Variants in WT1 observed in about 807,000 individuals in gnomAD.
WT1 encodes Wilms tumor protein.
In WT1, 8 loss-of-function variants were observed where a neutral mutation model predicts 60.8. That is an observed-to-expected ratio of 0.13 (90% CI 0.08 to 0.24). The LOEUF is 0.24. Among genes scored for constraint, WT1 ranks in the 10% least tolerant of loss-of-function variants. The probability of loss-of-function intolerance (pLI) is 1.00; values close to 1 mark genes in which losing one functional copy is unlikely to be tolerated. For synonymous variants in WT1, 312 were observed against 297.1 expected (o/e 1.05, Z -0.52); for missense variants, 568 against 711.8 (o/e 0.80, Z 2.30).
chr11:32,406,259 AT>A (rs778233303), intron 5 of WT1, among the ~76,000 whole-genome samples: 2 of 151,978 alleles, frequency 1.3e-5, no homozygotes, highest in Non-Finnish European at 2.9e-5. Context: ...TTGGGATGAA[AT>A]TGTTCCACCT....
At position 32,400,646 on chromosome 11, in the gene WT1, C is replaced by T. The variant is rs5030256; in HGVS notation, c.1017-602G>A. Reference sequence around the variant, plus strand: ...TGAAGAATCTTCCTCCAGCATTCCACTGACTAGTCCCCTAACTGGTGCTCA... The same window carrying T: ...TGAAGAATCTTCCTCCAGCATTCCATTGACTAGTCCCCTAACTGGTGCTCA... On this transcript the variant is annotated intron_variant, in intron 5 of 9. Transcript: ENST00000452863. 1,030 of 187,660 alleles carry T rather than the reference C, an allele frequency of 5.5e-3. 15 individuals are homozygous for T. Among genetic ancestry groups the T allele is most frequent in the African/African-American group, 0.022 (950 of 42,736 alleles). 11.6% of individuals were successfully genotyped at this position (187,660 alleles called of 1,614,324 possible).
chr11:32,395,379 C>T (rs1203685842), intron 7 of WT1, among the ~76,000 whole-genome samples: 1 of 152,156 alleles, frequency 6.6e-6, no homozygotes, highest in Non-Finnish European at 1.5e-5. Context: ...CAAACAATGC[C>T]AGTTCTCTGT....
chr11:32,430,520 C>G, intron 1 of WT1: 1 of 1,593,342 alleles, frequency 6.3e-7, no homozygotes, highest in Middle Eastern at 1.7e-4. Context: ...GAAGTTTTCT[C>G]TAGACGAACC....
intron 3 of WT1, among the ~76,000 whole-genome samples, chr11:32,426,836 G>A (rs977927441): frequency 5.3e-5 from 8 of 152,198 alleles, no homozygotes; most frequent in African/African-American, 1.9e-4. Context: ...CGTAAAGGCA[G>A]CAAGGGCCTG....
Position 32,428,017 on chromosome 11 carries a change from G to T in WT1, c.826C>A (p.His276Asn). Reference sequence around the variant, plus strand: ...CCGGTGCAGCTGTCGGTGGGGGTGTGGCAGCCATAGACCGGGGGCGGCACC... The same window carrying T: ...CCGGTGCAGCTGTCGGTGGGGGTGTTGCAGCCATAGACCGGGGGCGGCACC... The change falls in exon 3 of 10, where the codon CAC becomes AAC. Residue 276 changes from histidine to asparagine, a missense_variant. Coordinates refer to ENST00000452863, the MANE Select transcript of WT1 (RefSeq NM_024426.6). The T allele has an allele frequency of 6.2e-7, 1 of 1,611,196 alleles. No individual in the cohort carries two copies. Among genetic ancestry groups the T allele is most frequent in the East Asian group, 2.2e-5 (1 of 44,820 alleles).
chr11:32,421,758 T>G (rs1409891014), intron 3 of WT1, among the ~76,000 whole-genome samples: 4 of 152,228 alleles, frequency 2.6e-5, no homozygotes, highest in African/African-American at 9.6e-5. Context: ...AGATGAGAAC[T>G]CCTCCACTCT....
intron 1 of WT1, chr11:32,430,709 G>C: frequency 7.2e-7 from 1 of 1,397,430 alleles, no homozygotes; most frequent in Non-Finnish European, 9.3e-7. Flanking sequence ...TGGCCCGCGA[G>C]CCCTCCTAGG....
rs371074515 is a variant in WT1, at chr11:32,403,824, C to T, written c.1017-3780G>A. Among the ~76,000 whole-genome samples the T allele has an allele frequency of 9.2e-5, 14 of 152,124 alleles. No homozygotes were observed. In the East Asian group the frequency reaches 1.6e-3, roughly 17 times the overall value. On this transcript the variant is annotated intron_variant, in intron 5 of 9. Coordinates refer to ENST00000452863, the MANE Select transcript of WT1 (RefSeq NM_024426.6). ...TCCTGACCTCATGATCCTCCCGCCT[C>T]GGCTCCCATTGTGCTGGGATTACAG...
chr11:32,426,858 C>T (rs1322694015), intron 3 of WT1, among the ~76,000 whole-genome samples: 1 of 152,110 alleles, frequency 6.6e-6, no homozygotes, highest in Non-Finnish European at 1.5e-5. Flanking sequence ...GGCTGCGCCT[C>T]GCTCCGGATC....
chr11:32,404,457 G>T (rs182272007), intron 5 of WT1, among the ~76,000 whole-genome samples: 262 of 152,116 alleles, frequency 1.7e-3, no homozygotes, highest in Admixed American at 3.6e-3. Context: ...TGAGGCTATG[G>T]TTCCAAGTGG....
intron 5 of WT1, among the ~76,000 whole-genome samples, chr11:32,408,121 G>T (rs111601106): frequency 0.045 from 6,822 of 151,480 alleles, 206 homozygotes; most frequent in Non-Finnish European, 0.073. Flanking sequence ...TACTCGGGAG[G>T]CTAAGGCAGG....
intron 1 of WT1, among the ~76,000 whole-genome samples, chr11:32,432,057 A>C (rs565036964): frequency 1.3e-5 from 2 of 152,358 alleles, no homozygotes; most frequent in East Asian, 3.9e-4. Context: ...TTCAGAACCC[A>C]GTGCCTGACC....
chr11:32,430,048 G>T (rs1264202700), intron 1 of WT1, among the ~76,000 whole-genome samples: 1 of 151,940 alleles, frequency 6.6e-6, no homozygotes, highest in Non-Finnish European at 1.5e-5. Context: ...CTGGAGGGTG[G>T]TGTGGCAGAG....
chr11:32,421,658 T>C (rs1852858463), intron 3 of WT1, among the ~76,000 whole-genome samples: 1 of 152,118 alleles, frequency 6.6e-6, no homozygotes, highest in Non-Finnish European at 1.5e-5. Context: ...GTAGATCATA[T>C]AGAGTTTGTT....
At chr11:32,428,473 C>T in intron 2 of WT1, 24 bp downstream of exon 2, 2 of 1,613,856 alleles carry the variant, frequency 1.2e-6, no homozygotes, top group Non-Finnish European at 1.7e-6. Flanking sequence ...GGGAGAAGGA[C>T]TCCACTTGGT....
intron 9 of WT1, among the ~76,000 whole-genome samples, 167 bp downstream of exon 9, chr11:32,391,805 A>T (rs942310781): frequency 5.3e-5 from 8 of 152,160 alleles, no homozygotes; most frequent in Non-Finnish European, 1.0e-4. Flanking sequence ...TCTTTAAAAA[A>T]TGTTATTATT....
chr11:32,427,917 G>T (rs774936527), intron 3 of WT1, 39 bp downstream of exon 3: 1 of 1,572,624 alleles, frequency 6.4e-7, no homozygotes, highest in South Asian at 1.2e-5. Context: ...CCCCTCCGGG[G>T]TCCCAAGGAC....
chr11:32,393,370 T>C (rs758913809), intron 7 of WT1, among the ~76,000 whole-genome samples: 4 of 152,188 alleles, frequency 2.6e-5, no homozygotes, highest in Non-Finnish European at 5.9e-5. Flanking sequence ...AGTAGTGGGA[T>C]TACCCAACCT....
intron 7 of WT1, among the ~76,000 whole-genome samples, chr11:32,392,972 T>TAA (rs111384963): frequency 1.1e-3 from 142 of 134,802 alleles, no homozygotes; most frequent in Middle Eastern, 3.8e-3. Flanking sequence ...GCTCTGCCAT[T>TAA]AAAAAAAAAA....
Sources: allele counts gnomAD v4.1 joint callset (sites outside exome capture counted in the v4.1 genomes callset), GRCh38; gene constraint gnomAD v4.1.1; transcripts MANE v1.5; gene names NCBI Gene and HGNC (gene_info 2026-07-23, HGNC 2026-07-21).